The following RAD54L2 variants were observed in gnomAD, a reference collection of about 807,000 sequenced individuals.
RAD54L2 encodes RAD54 like 2.
Under a neutral mutation model 138.4 loss-of-function variants are expected in RAD54L2, and 27 were observed. The ratio of observed to expected loss-of-function variants is 0.20; its 90% confidence interval spans 0.14 to 0.27. The LOEUF (loss-of-function observed/expected upper bound fraction) is 0.27. Among genes scored for constraint, RAD54L2 ranks in the 10% least tolerant of loss-of-function variants. RAD54L2 has a pLI of 1.00. For synonymous variants in RAD54L2, 644 were observed against 723.2 expected (o/e 0.89, Z 1.76); for missense variants, 1,396 against 1,890.2 (o/e 0.74, Z 4.85).
intron 2 of RAD54L2, among the ~76,000 whole-genome samples, chr3:51,554,448 C>T (rs758148269): frequency 2.2e-4 from 33 of 151,570 alleles, no homozygotes; most frequent in Non-Finnish European, 2.9e-4. Context: ...CACTTGAACC[C>T]GGGAGGCAGA....
chr3:51,597,032 G>A (rs1046350091), intron 3 of RAD54L2, among the ~76,000 whole-genome samples: 2 of 152,014 alleles, frequency 1.3e-5, no homozygotes, highest in African/African-American at 2.4e-5. Context: ...GGGCGTGGTG[G>A]CAGGCGCCTG....
rs1383283973 is a variant in RAD54L2 at position 51,638,341 on chromosome 3, A to T, written c.1860+20A>T. 2 of 1,612,546 alleles carry T rather than the reference A, an allele frequency of 1.2e-6. No homozygotes were observed. The highest frequency in any genetic ancestry group is 3.3e-5 in the Admixed American group (2 of 59,992). ...TGCAAGGTGCATTGGGGCCTCAGGG[A>T]AGATTGAGATGGGGACTAAGGATAC... is the stretch of plus-strand genomic sequence containing the variant. On this transcript the variant is annotated intron_variant, in intron 12 of 22. Coordinates refer to ENST00000684192, the MANE Select transcript of RAD54L2 (RefSeq NM_015106.4). This position sits in a 1 kb window ranked among gnomAD's most constrained non-coding sequence, Gnocchi z 4.3.
intron 7 of RAD54L2, among the ~76,000 whole-genome samples, chr3:51,633,129 A>G (rs1700891176): frequency 6.6e-6 from 1 of 152,084 alleles, no homozygotes; most frequent in African/African-American, 2.4e-5. Context: ...CTGAGGCAAG[A>G]GAATCGCTTG....
At chr3:51,545,284 C>T (rs563949907) in intron 2 of RAD54L2, among the ~76,000 whole-genome samples, 12 of 151,924 alleles carry the variant, frequency 7.9e-5, no homozygotes, top group East Asian at 1.9e-4. Flanking sequence ...CTCTGCCTCC[C>T]GGGTTCAAGT....
Position 51,645,050 on chromosome 3 carries a change from T to C in RAD54L2, c.2477T>C (p.Ile826Thr). The C allele has an allele frequency of 2.5e-6, 4 of 1,613,758 alleles. No individual in the cohort carries two copies. The highest frequency in any genetic ancestry group is 3.4e-6 in the Non-Finnish European group (4 of 1,179,892). ...TRAGCLGVNL[I>T]GANRVVVFDA... ...GCCGGATGCTTGGGTGTGAATCTGA[T>C]TGGTGCCAACCGAGTGGTGGTGTTT... is the stretch of plus-strand genomic sequence containing the variant. The change falls in exon 17 of 23, where the codon ATT (isoleucine) becomes ACT (threonine). Residue 826 changes from isoleucine (I) to threonine (T), a missense_variant. This residue lies in a region of RAD54L2 where 78 missense variants were observed against 171.6 expected (regional missense o/e 0.45). Transcript: ENST00000684192. This position sits in a 1 kb window ranked among gnomAD's most constrained non-coding sequence, Gnocchi z 6.1.
chr3:51,621,169 C>CA (rs1245725266), intron 3 of RAD54L2, among the ~76,000 whole-genome samples: 5 of 152,074 alleles, frequency 3.3e-5, no homozygotes, highest in Non-Finnish European at 7.4e-5. Flanking sequence ...CATGAAACAG[C>CA]AAAAATGAAG....
intron 2 of RAD54L2, among the ~76,000 whole-genome samples, chr3:51,586,547 A>G (rs1391566465): frequency 1.3e-5 from 2 of 151,600 alleles, no homozygotes; most frequent in African/African-American, 2.4e-5. Context: ...AAATCAGCCA[A>G]GCACACTGCA....
At chr3:51,628,567 T>G (rs957991331) in intron 4 of RAD54L2, among the ~76,000 whole-genome samples, 18 of 151,960 alleles carry the variant, frequency 1.2e-4, no homozygotes, top group African/African-American at 4.4e-4. Flanking sequence ...TTTTTGTATT[T>G]GTAGTAGAGA....
At chr3:51,626,436 C>CATTTTTTTTTTTT (rs1700686522) in intron 3 of RAD54L2, among the ~76,000 whole-genome samples, 1 of 39,392 alleles carries the variant, frequency 2.5e-5, no homozygotes, top group African/African-American at 1.1e-4. Context: ...CCCCAACGAT[C>CATTTTTTTTTTTT]TTTTTTTTTT....
At chr3:51,628,905 G>A (rs969501743) in intron 4 of RAD54L2, among the ~76,000 whole-genome samples, 1 of 151,034 alleles carries the variant, frequency 6.6e-6, no homozygotes, top group Non-Finnish European at 1.5e-5. Context: ...TAGTAGAGAC[G>A]GGGTTTTGCC....
intron 2 of RAD54L2, among the ~76,000 whole-genome samples, chr3:51,564,011 A>G (rs1699159010): frequency 6.6e-6 from 1 of 152,258 alleles, no homozygotes; most frequent in Admixed American, 6.5e-5. Flanking sequence ...GCAAAATTAA[A>G]TAATTGATTT....
intron 22 of RAD54L2, among the ~76,000 whole-genome samples, chr3:51,660,631 T>G (rs1346579026): frequency 1.4e-5 from 2 of 142,396 alleles, no homozygotes; most frequent in African/African-American, 2.6e-5. Context: ...GTTTTTTTTG[T>G]TTTTTTTTGA....
intron 15 of RAD54L2, among the ~76,000 whole-genome samples, chr3:51,642,542 G>T (rs1701165157): frequency 1.3e-5 from 2 of 151,960 alleles, no homozygotes; most frequent in Non-Finnish European, 2.9e-5. Flanking sequence ...GCTGACATTT[G>T]GGCCAGATAA....
intron 2 of RAD54L2, among the ~76,000 whole-genome samples, chr3:51,569,406 C>T (rs1248969847): frequency 2.7e-5 from 4 of 150,306 alleles, no homozygotes; most frequent in South Asian, 2.1e-4. Flanking sequence ...TTTTTCTAGA[C>T]GGAGTCTTGC....
At chr3:51,655,643 G>A (rs1340007935) in intron 19 of RAD54L2, among the ~76,000 whole-genome samples, 3 of 152,164 alleles carry the variant, frequency 2.0e-5, no homozygotes, top group African/African-American at 7.2e-5. Flanking sequence ...ACAGCTTCCT[G>A]ACTTCCCTTT....
chr3:51,611,012 A>G (rs1466126173), intron 3 of RAD54L2, among the ~76,000 whole-genome samples: 1 of 152,066 alleles, frequency 6.6e-6, no homozygotes, highest in Non-Finnish European at 1.5e-5. Flanking sequence ...ATTTCTTCCC[A>G]TGTTTTACTC....
chr3:51,603,729 T>G (rs1700123816), intron 3 of RAD54L2, among the ~76,000 whole-genome samples: 2 of 152,172 alleles, frequency 1.3e-5, no homozygotes, highest in Non-Finnish European at 2.9e-5. Flanking sequence ...CTTGCTCTGT[T>G]GCCCAGGCTA....
intron 19 of RAD54L2, among the ~76,000 whole-genome samples, chr3:51,649,369 C>G (rs1021303994): frequency 2.0e-5 from 3 of 152,186 alleles, no homozygotes; most frequent in African/African-American, 7.2e-5. Flanking sequence ...CTGGAAAACA[C>G]TCTTCAGGAT....
rs1293778526 is a variant in RAD54L2, at chr3:51,637,111, T to A, written c.1340-50T>A. 6.8e-7 allele frequency: 1 copy of A among 1,474,054 alleles called. No homozygotes were observed. Among genetic ancestry groups the A allele is most frequent in the Non-Finnish European group, 9.3e-7 (1 of 1,079,320 alleles). 91.3% of individuals were successfully genotyped at this position (1,474,054 alleles called of 1,614,324 possible). A position where few individuals can be genotyped will look rare whatever the true frequency, so the allele number is the denominator to read the frequency against. On this transcript the variant is annotated intron_variant, in intron 10 of 22. Transcript: ENST00000684192. The surrounding 1 kb of genome is among the most constrained non-coding windows in gnomAD (Gnocchi z 5.9). ...CACCCCTACTTCTCATATTATTGACTAAGAGCAGGCCCTGTCACCCTCTGA... is the reference window on the plus strand; with the variant it reads ...CACCCCTACTTCTCATATTATTGACAAAGAGCAGGCCCTGTCACCCTCTGA...
Sources: allele counts gnomAD v4.1 joint callset (sites outside exome capture counted in the v4.1 genomes callset), GRCh38; gene constraint gnomAD v4.1.1; regional missense constraint gnomAD v4.1.1; non-coding constraint Gnocchi (gnomAD v3.1); transcripts MANE v1.5; gene names NCBI Gene and HGNC (gene_info 2026-07-23, HGNC 2026-07-21).